EPB41L2: variants seen among roughly 807,000 people sequenced by gnomAD.
EPB41L2 encodes band 4.1-like protein 2.
Under a neutral mutation model 113.0 loss-of-function variants are expected in EPB41L2, and 43 were observed. That is an observed-to-expected ratio of 0.38 (90% confidence interval 0.30 to 0.49). The LOEUF is 0.49. Ranked by LOEUF, EPB41L2 falls within the 20% of genes least tolerant of loss-of-function variation. The probability of loss-of-function intolerance (pLI) is 0.95; values close to 1 mark genes in which losing one functional copy is unlikely to be tolerated. For synonymous variants in EPB41L2, 442 were observed against 436.7 expected (o/e 1.01, Z -0.15); for missense variants, 1,147 against 1,223.4 (o/e 0.94, Z 0.93).
chr6:131,046,466 A>C (rs1292642352), intron 1 of EPB41L2, among the ~76,000 whole-genome samples: 1 of 152,178 alleles, frequency 6.6e-6, no homozygotes, highest in Admixed American at 6.5e-5. Context: ...AACAGTATTA[A>C]ATACCTCATT....
chr6:130,946,560 G>A (rs966365708), intron 3 of EPB41L2, among the ~76,000 whole-genome samples: 3 of 151,960 alleles, frequency 2.0e-5, no homozygotes, highest in Non-Finnish European at 4.4e-5. Flanking sequence ...CTGAAGTTTA[G>A]GAGATAAAGA....
intron 6 of EPB41L2, 27 bp from the exon 7 acceptor site, chr6:130,901,207 T>C (rs1361195606): frequency 1.9e-6 from 3 of 1,604,584 alleles, no homozygotes. Context: ...GAGAAATGGG[T>C]CAGGGGAGAA....
intron 17 of EPB41L2, among the ~76,000 whole-genome samples, chr6:130,864,435 A>G (rs918788205): frequency 6.6e-6 from 1 of 152,248 alleles, no homozygotes; most frequent in African/African-American, 2.4e-5. Context: ...GCATGGCTAG[A>G]CAAAGGCTGC....
chr6:130,983,763 A>G (rs1279322308), intron 1 of EPB41L2, among the ~76,000 whole-genome samples: 1 of 152,062 alleles, frequency 6.6e-6, no homozygotes, highest in Non-Finnish European at 1.5e-5. Context: ...TCCTGGGTTC[A>G]AGCAATCCTC....
At chr6:130,971,564 T>C (rs1183219193) in intron 1 of EPB41L2, among the ~76,000 whole-genome samples, 1 of 152,234 alleles carries the variant, frequency 6.6e-6, no homozygotes, top group Non-Finnish European at 1.5e-5. Context: ...TGGCTGCTTC[T>C]ACAACATGGA....
chr6:130,847,563 G>A (rs1777414104), intron 19 of EPB41L2, among the ~76,000 whole-genome samples: 1 of 152,122 alleles, frequency 6.6e-6, no homozygotes, highest in South Asian at 2.1e-4. Flanking sequence ...ATATCTTTAG[G>A]AAGAAGCACT....
chr6:130,970,585 T>G (rs1034153053), intron 1 of EPB41L2: 1 of 152,244 alleles, frequency 6.6e-6, no homozygotes, highest in Non-Finnish European at 1.5e-5. Flanking sequence ...TGTAATTCTA[T>G]AATTTTTATA....
intron 18 of EPB41L2, among the ~76,000 whole-genome samples, chr6:130,860,166 G>C (rs137944459): frequency 6.6e-6 from 1 of 152,336 alleles, no homozygotes; most frequent in Non-Finnish European, 1.5e-5. Flanking sequence ...TCCACACTGG[G>C]AAAAGTCAAA....
At chr6:130,924,888 C>T (rs778143849) in intron 4 of EPB41L2, among the ~76,000 whole-genome samples, 11 of 152,104 alleles carry the variant, frequency 7.2e-5, no homozygotes, top group Admixed American at 2.6e-4. Context: ...TCTACATATA[C>T]GGAGGCTATA....
At chr6:130,860,232 C>T (rs1781595419) in intron 18 of EPB41L2, among the ~76,000 whole-genome samples, 1 of 152,206 alleles carries the variant, frequency 6.6e-6, no homozygotes. Context: ...TGATCAAATA[C>T]TTTGAGTATC....
chr6:130,922,724 C>A (rs1284136218), intron 4 of EPB41L2, among the ~76,000 whole-genome samples: 1 of 152,006 alleles, frequency 6.6e-6, no homozygotes, highest in Non-Finnish European at 1.5e-5. Flanking sequence ...TGTTAACAGC[C>A]ATTTATATTT....
intron 19 of EPB41L2, among the ~76,000 whole-genome samples, chr6:130,853,730 G>A (rs1375067756): frequency 2.0e-4 from 30 of 152,136 alleles, no homozygotes; most frequent in Admixed American, 2.0e-3. Context: ...CAAAAGCTCA[G>A]AGCTACTCCA....
At chr6:131,028,871 A>G (rs1002024928) in intron 1 of EPB41L2, among the ~76,000 whole-genome samples, 6 of 152,190 alleles carry the variant, frequency 3.9e-5, no homozygotes, top group African/African-American at 1.4e-4. Flanking sequence ...AAAATAATCT[A>G]CACTTGCCAT....
rs765466825 is a variant in EPB41L2, at chr6:130,956,282, T to C, written c.204A>G (p.Thr68=). 2 of 1,614,102 alleles carry C rather than the reference T, an allele frequency of 1.2e-6. No homozygotes were observed. The highest frequency in any genetic ancestry group is 8.5e-7 in the Non-Finnish European group (1 of 1,180,040). Reference sequence around the variant, plus strand: ...ACCGAGAAATACCCCTGCTCTCCGATGTTTCCTTCTCTCTCTTCTGGCGGC... The same window carrying C: ...ACCGAGAAATACCCCTGCTCTCCGACGTTTCCTTCTCTCTCTTCTGGCGGC... ...SLRRQKREKE[T]SESRGISRFI... Residue 68 remains threonine, a synonymous_variant, in exon 2 of 20, where the codon ACA becomes ACG. Coordinates refer to ENST00000337057, the MANE Select transcript of EPB41L2 (RefSeq NM_001431.4).
intron 19 of EPB41L2, among the ~76,000 whole-genome samples, chr6:130,855,157 TGG>T (rs1779831457): frequency 4.8e-5 from 2 of 41,656 alleles, no homozygotes; most frequent in Non-Finnish European, 1.1e-4. Context: ...AAGACCAGCC[TGG>T]CCAACATGGC....
At chr6:130,973,238 A>G (rs1268467100) in intron 1 of EPB41L2, among the ~76,000 whole-genome samples, 1 of 151,230 alleles carries the variant, frequency 6.6e-6, no homozygotes, top group Non-Finnish European at 1.5e-5. Context: ...CTCTGAAGAG[A>G]TATTCATCTT....
intron 1 of EPB41L2, among the ~76,000 whole-genome samples, chr6:130,995,134 A>G (rs983692956): frequency 6.6e-6 from 1 of 150,968 alleles, no homozygotes; most frequent in Non-Finnish European, 1.5e-5. Context: ...CAGGAGATCA[A>G]GACCATCCTG....
chr6:130,873,316 T>C (rs1406254344), intron 14 of EPB41L2, among the ~76,000 whole-genome samples: 1 of 152,228 alleles, frequency 6.6e-6, no homozygotes, highest in Non-Finnish European at 1.5e-5. Flanking sequence ...AACTTTGCTG[T>C]GTCTGGCTCT....
At chr6:130,858,813 C>T (rs916817627) in intron 18 of EPB41L2, among the ~76,000 whole-genome samples, 1 of 152,236 alleles carries the variant, frequency 6.6e-6, no homozygotes, top group Non-Finnish European at 1.5e-5. Context: ...GTCTATAAAC[C>T]TCTAAGACAC....
Sources: allele counts gnomAD v4.1 joint callset (sites outside exome capture counted in the v4.1 genomes callset), GRCh38; gene constraint gnomAD v4.1.1; transcripts MANE v1.5; gene names NCBI Gene and HGNC (gene_info 2026-07-23, HGNC 2026-07-21).